Variants in FOXP1 observed in about 807,000 individuals in gnomAD.
FOXP1 encodes the protein forkhead box protein P1.
Under a neutral mutation model 98.2 loss-of-function variants are expected in FOXP1, and 15 were observed. The ratio of observed to expected loss-of-function variants is 0.15; its 90% CI spans 0.10 to 0.24. FOXP1 has a LOEUF of 0.24. Among genes scored for constraint, FOXP1 ranks in the 10% least tolerant of loss-of-function variants. The probability of loss-of-function intolerance (pLI) is 1.00; values close to 1 mark genes in which losing one functional copy is unlikely to be tolerated. For synonymous variants in FOXP1, 371 were observed against 314.5 expected, an observed-to-expected ratio of 1.18 and a Z score of -1.90; for missense variants, 633 against 848.5, an observed-to-expected ratio of 0.75 and a Z score of 3.15.
At chr3:71,231,526 C>T (rs959952780) in intron 5 of FOXP1, among the ~76,000 whole-genome samples, 1 of 152,188 alleles carries the variant, frequency 6.6e-6, no homozygotes, top group Non-Finnish European at 1.5e-5. Context: ...AAATACACAA[C>T]ACCAACTTGT....
chr3:71,136,642 C>T (rs567106729), intron 6 of FOXP1, among the ~76,000 whole-genome samples: 1 of 152,294 alleles, frequency 6.6e-6, no homozygotes, highest in Admixed American at 6.5e-5. Context: ...TAGACTAATG[C>T]TTATTTAATC....
intron 5 of FOXP1, among the ~76,000 whole-genome samples, chr3:71,251,498 C>T (rs1252373244): frequency 6.6e-6 from 1 of 152,190 alleles, no homozygotes; most frequent in African/African-American, 2.4e-5. Context: ...TCATAGCTGT[C>T]AGGATGTTTC....
chr3:71,519,048 C>A (rs1157504309), intron 2 of FOXP1, among the ~76,000 whole-genome samples: 1 of 152,206 alleles, frequency 6.6e-6, no homozygotes, highest in Admixed American at 6.5e-5. Flanking sequence ...GAATTTGAGA[C>A]CAGCCTGGCC....
chr3:70,968,831 A>G (rs1206212344), intron 19 of FOXP1: 1 of 152,186 alleles, frequency 6.6e-6, no homozygotes, highest in Non-Finnish European at 1.5e-5. Flanking sequence ...TCCTTATTTA[A>G]TTTGCACAGT....
intron 2 of FOXP1, among the ~76,000 whole-genome samples, chr3:71,526,127 T>C (rs1434301029): frequency 1.4e-5 from 2 of 143,766 alleles, no homozygotes; most frequent in African/African-American, 5.5e-5. Context: ...TCTCTAAATA[T>C]ATAAATAAAT....
intron 5 of FOXP1, among the ~76,000 whole-genome samples, chr3:71,208,961 C>A (rs370698046): frequency 6.6e-6 from 1 of 152,112 alleles, no homozygotes; most frequent in Non-Finnish European, 1.5e-5. Flanking sequence ...CGGTTGGAGA[C>A]CAAGCCTGCT....
chr3:71,469,832 A>C (rs1482409981), intron 3 of FOXP1, among the ~76,000 whole-genome samples: 1 of 152,190 alleles, frequency 6.6e-6, no homozygotes, highest in Non-Finnish European at 1.5e-5. Flanking sequence ...TTTTGCACAC[A>C]GATGATGTGC....
At chr3:71,501,415 G>A (rs779050505) in intron 2 of FOXP1, among the ~76,000 whole-genome samples, 10 of 150,230 alleles carry the variant, frequency 6.7e-5, no homozygotes, top group Admixed American at 5.3e-4. Flanking sequence ...CTGCCTCAGC[G>A]TCCCGAGTAG....
chr3:71,552,447 T>G (rs2045849367), intron 2 of FOXP1, among the ~76,000 whole-genome samples: 1 of 151,996 alleles, frequency 6.6e-6, no homozygotes, highest in Non-Finnish European at 1.5e-5. Context: ...AATAAATAAT[T>G]ATATTAGTTT....
intron 5 of FOXP1, among the ~76,000 whole-genome samples, chr3:71,245,655 T>C (rs568198469): frequency 3.5e-5 from 5 of 143,258 alleles, no homozygotes; most frequent in African/African-American, 1.3e-4. Context: ...AACAAGACCG[T>C]TACCTTCATA....
At chr3:71,132,448 G>A (rs901078012) in intron 6 of FOXP1, among the ~76,000 whole-genome samples, 1 of 151,968 alleles carries the variant, frequency 6.6e-6, no homozygotes, top group Non-Finnish European at 1.5e-5. Context: ...AAAAAATAAA[G>A]CCTCTTATTT....
At chr3:71,113,364 A>AC (rs2058093784) in intron 6 of FOXP1, among the ~76,000 whole-genome samples, 2 of 152,188 alleles carry the variant, frequency 1.3e-5, no homozygotes, top group African/African-American at 4.8e-5. Flanking sequence ...AGGTAGTATG[A>AC]ATTGGAGATA....
At chr3:71,408,667 A>C (rs1056396021) in intron 3 of FOXP1, among the ~76,000 whole-genome samples, 2 of 152,232 alleles carry the variant, frequency 1.3e-5, no homozygotes, top group Non-Finnish European at 2.9e-5. Context: ...CTGCTCTGCC[A>C]TGATGGAAGA....
chr3:71,465,197 C>T (rs2088565126), intron 3 of FOXP1, among the ~76,000 whole-genome samples: 1 of 151,570 alleles, frequency 6.6e-6, no homozygotes, highest in African/African-American at 2.4e-5. Context: ...ATCCCGGCTA[C>T]TTGGGAGGCT....
chr3:71,360,812 T>A (rs2078509343), intron 3 of FOXP1: 1 of 152,200 alleles, frequency 6.6e-6, no homozygotes, highest in Admixed American at 6.5e-5. Context: ...CCTACTCAGA[T>A]GGAGAAGTTG....
intron 7 of FOXP1, among the ~76,000 whole-genome samples, chr3:71,099,327 A>T (rs2056754432): frequency 6.6e-6 from 1 of 152,152 alleles, no homozygotes; most frequent in African/African-American, 2.4e-5. Context: ...CCTGGCCAAC[A>T]TGGTGAAACC....
chr3:71,199,131 A>G (rs533793977), intron 5 of FOXP1, among the ~76,000 whole-genome samples: 7 of 145,316 alleles, frequency 4.8e-5, no homozygotes, highest in Admixed American at 3.4e-4. Flanking sequence ...TTTTTGAGAC[A>G]GAGCCTTGCT....
At chr3:70,976,110 C>T (rs969539440) in intron 17 of FOXP1, among the ~76,000 whole-genome samples, 1 of 146,640 alleles carries the variant, frequency 6.8e-6, no homozygotes, top group East Asian at 2.0e-4. Flanking sequence ...AGTGCAGTGG[C>T]ATGAACAGGG....
In FOXP1 at chr3:71,581,750, C is replaced by G. The variant is rs563318112; in HGVS notation, c.-446-53G>C. 1.8e-4 allele frequency: 174 copies of G among 985,766 alleles called. 1 individual carries two copies. The African/African-American group carries it at 2.5e-3, about 14-fold the overall frequency. 61.1% of individuals were successfully genotyped at this position (985,766 alleles called of 1,614,324 possible). A position where few individuals can be genotyped will look rare whatever the true frequency, so the allele number is the denominator to read the frequency against. On this transcript the variant is annotated intron_variant, in intron 1 of 20. Coordinates refer to ENST00000649528, the MANE Select transcript of FOXP1 (RefSeq NM_001349338.3). Reference sequence around the variant, plus strand: ...CCTCAGCAAGTCTTCCCCGTGCAGGCTGGGGGGAACTGAAGGGGACGGGAC... The same window carrying G: ...CCTCAGCAAGTCTTCCCCGTGCAGGGTGGGGGGAACTGAAGGGGACGGGAC...
Sources: gnomAD v4.1 joint callset for allele counts (sites outside exome capture counted in the v4.1 genomes callset) on GRCh38, gnomAD v4.1.1 for gene constraint, MANE v1.5 for transcripts, NCBI Gene and HGNC (gene_info 2026-07-23, HGNC 2026-07-21) for gene names.